SLC24A2: variants seen among roughly 807,000 people sequenced by gnomAD.
SLC24A2 encodes solute carrier family 24 member 2, also known as sodium/potassium/calcium exchanger 2.
A neutral mutation model predicts 62.0 loss-of-function variants in SLC24A2; 36 were observed. The observed-to-expected ratio is 0.58, with a 90% confidence interval of 0.44 to 0.77. SLC24A2 has a LOEUF of 0.77. SLC24A2 is among the 30% of genes least tolerant of loss of function. The pLI, the probability that SLC24A2 is intolerant of heterozygous loss-of-function variation, is 0.00. For synonymous variants in SLC24A2, 358 were observed against 294.0 expected (o/e 1.22, Z -2.23); for missense variants, 846 against 817.9 (o/e 1.03, Z -0.42).
intron 2 of SLC24A2, among the ~76,000 whole-genome samples, chr9:19,732,883 AT>A (rs1163148530): frequency 6.6e-6 from 1 of 152,186 alleles, no homozygotes; most frequent in Non-Finnish European, 1.5e-5. Flanking sequence ...GTAAAAAAAA[AT>A]CCAGATTTTT....
At chr9:19,750,087 G>A (rs144755170) in intron 2 of SLC24A2, among the ~76,000 whole-genome samples, 114 of 152,252 alleles carry the variant, frequency 7.5e-4, no homozygotes, top group Non-Finnish European at 3.4e-4. Flanking sequence ...GGACACTGCC[G>A]GAGTACATTA....
chr9:20,303,546 T>C, the SLC24A2 span, among the ~76,000 whole-genome samples: 2 of 152,178 alleles, frequency 1.3e-5, no homozygotes, highest in Admixed American at 6.5e-5. Flanking sequence ...CAAAAGATGA[T>C]AGCCCCCAGC....
At chr9:19,631,322 G>A (rs79209689) in intron 2 of SLC24A2, among the ~76,000 whole-genome samples, 2 of 152,238 alleles carry the variant, frequency 1.3e-5, no homozygotes, top group East Asian at 1.9e-4. Flanking sequence ...TTGATACTGC[G>A]AGTGACCCAC....
chr9:19,738,668 C>T (rs1442077525), intron 2 of SLC24A2, among the ~76,000 whole-genome samples: 1 of 152,024 alleles, frequency 6.6e-6, no homozygotes, highest in African/African-American at 2.4e-5. Flanking sequence ...GAATATACTA[C>T]AATTTATTTA....
chr9:19,976,140 T>C, the SLC24A2 span, among the ~76,000 whole-genome samples: 1 of 152,060 alleles, frequency 6.6e-6, no homozygotes, highest in East Asian at 1.9e-4. Context: ...TGCCTCAGCC[T>C]CCCAAAGTCC....
At chr9:19,561,023 T>C (rs1377488263) in intron 7 of SLC24A2, among the ~76,000 whole-genome samples, 1 of 151,890 alleles carries the variant, frequency 6.6e-6, no homozygotes, top group Non-Finnish European at 1.5e-5. Flanking sequence ...CCTCCCAGGT[T>C]TGAGGAATTC....
the SLC24A2 span, among the ~76,000 whole-genome samples, chr9:20,093,287 G>T: frequency 7.2e-5 from 11 of 151,974 alleles, no homozygotes; most frequent in African/African-American, 2.7e-4. Context: ...AGTCAGGCTG[G>T]TCTCGAACTC....
the SLC24A2 span, among the ~76,000 whole-genome samples, chr9:20,235,166 G>A: frequency 4.6e-5 from 7 of 152,278 alleles, no homozygotes; most frequent in East Asian, 7.7e-4. Flanking sequence ...TAGGCTACTC[G>A]GGGGTCAGGG....
chr9:19,898,956 A>G, the SLC24A2 span, among the ~76,000 whole-genome samples: 1 of 152,100 alleles, frequency 6.6e-6, no homozygotes, highest in African/African-American at 2.4e-5. Flanking sequence ...TATCCAAACT[A>G]TACTATGGGT....
chr9:19,943,880 G>C, the SLC24A2 span, among the ~76,000 whole-genome samples: 3 of 152,190 alleles, frequency 2.0e-5, no homozygotes, highest in Admixed American at 6.5e-5. Flanking sequence ...CACTGAGTTA[G>C]AAGTTGGGAA....
chr9:19,868,475 T>G, the SLC24A2 span, among the ~76,000 whole-genome samples: 1 of 152,234 alleles, frequency 6.6e-6, no homozygotes, highest in Middle Eastern at 3.2e-3. Context: ...AGACGGAATA[T>G]TCTATAAATG....
the SLC24A2 span, among the ~76,000 whole-genome samples, chr9:19,851,027 A>ACGTATATATATATATATT: frequency 1.8e-5 from 1 of 55,292 alleles, no homozygotes; most frequent in African/African-American, 7.7e-5. Context: ...ATATATACAT[A>ACGTATATATATATATATT]TTTTTTTTTT....
the SLC24A2 span, among the ~76,000 whole-genome samples, chr9:19,936,973 T>C: frequency 6.6e-5 from 10 of 152,300 alleles, no homozygotes; most frequent in South Asian, 2.1e-3. Flanking sequence ...CTGTCCTCAC[T>C]CGTATGTTCC....
intron 5 of SLC24A2, among the ~76,000 whole-genome samples, chr9:19,596,696 G>C (rs946756345): frequency 2.6e-5 from 4 of 152,216 alleles, no homozygotes; most frequent in Non-Finnish European, 5.9e-5. Context: ...CAGCCTCTCA[G>C]AGTAATGCTC....
chr9:19,843,345 T>G, the SLC24A2 span, among the ~76,000 whole-genome samples: 1 of 152,066 alleles, frequency 6.6e-6, no homozygotes, highest in Admixed American at 6.6e-5. Context: ...CTACTAAAAA[T>G]ACATACACGC....
chr9:20,241,904 C>T, the SLC24A2 span, among the ~76,000 whole-genome samples: 766 of 152,304 alleles, frequency 5.0e-3, 4 homozygotes, highest in African/African-American at 0.017. Context: ...GTTTCACTTC[C>T]ACCAATGCCT....
chr9:20,059,775 T>C, the SLC24A2 span, among the ~76,000 whole-genome samples: 1 of 151,674 alleles, frequency 6.6e-6, no homozygotes, highest in Non-Finnish European at 1.5e-5. Flanking sequence ...AAACCAAAGC[T>C]AGCAGAGGGA....
intron 2 of SLC24A2, among the ~76,000 whole-genome samples, chr9:19,704,231 T>C (rs74215445): frequency 2.6e-4 from 40 of 152,340 alleles, no homozygotes; most frequent in South Asian, 2.1e-4. Flanking sequence ...GATTCGCACA[T>C]GCATTAACAT....
chr9:19,565,559 C>G (rs1835614855), intron 7 of SLC24A2, among the ~76,000 whole-genome samples: 1 of 151,702 alleles, frequency 6.6e-6, no homozygotes, highest in African/African-American at 2.4e-5. Flanking sequence ...TTTATAGATT[C>G]AATGCCATCC....
Sources: gnomAD v4.1 joint callset for allele counts (sites outside exome capture counted in the v4.1 genomes callset) on GRCh38, gnomAD v4.1.1 for gene constraint, MANE v1.5 for transcripts, NCBI Gene and HGNC (gene_info 2026-07-23, HGNC 2026-07-21) for gene names.